Variants in CCBE1 observed in about 807,000 individuals in gnomAD.
CCBE1 encodes collagen and calcium-binding EGF domain-containing protein 1.
Under a neutral mutation model 50.0 loss-of-function variants are expected in CCBE1, and 37 were observed. The ratio of observed to expected loss-of-function variants is 0.74; its 90% CI spans 0.57 to 0.97. The LOEUF is 0.97. CCBE1 is among the 50% of genes least tolerant of loss of function. The pLI, the probability that CCBE1 is intolerant of heterozygous loss-of-function variation, is 0.00. For missense variants in CCBE1, 538 were observed against 523.8 expected (o/e 1.03, Z -0.26); for synonymous variants, 234 against 203.7 (o/e 1.15, Z -1.27).
At chr18:59,519,716 T>A (rs1914518649) in intron 2 of CCBE1, among the ~76,000 whole-genome samples, 1 of 152,224 alleles carries the variant, frequency 6.6e-6, no homozygotes, top group Admixed American at 6.5e-5. Context: ...TTGCCATTGC[T>A]TTTGGTGTTT....
chr18:59,536,508 G>C (rs1915254902), intron 2 of CCBE1, among the ~76,000 whole-genome samples: 1 of 152,194 alleles, frequency 6.6e-6, no homozygotes, highest in Non-Finnish European at 1.5e-5. Flanking sequence ...GGAAGAGAAG[G>C]TTGTCTTGGG....
intron 2 of CCBE1, among the ~76,000 whole-genome samples, chr18:59,514,506 G>A (rs1914277584): frequency 6.6e-6 from 1 of 152,046 alleles, no homozygotes; most frequent in Admixed American, 6.6e-5. Flanking sequence ...GACATTTTCG[G>A]CTGGCCCAGA....
intron 5 of CCBE1, among the ~76,000 whole-genome samples, chr18:59,461,553 A>G (rs960544347): frequency 6.6e-6 from 1 of 152,040 alleles, no homozygotes; most frequent in Non-Finnish European, 1.5e-5. Context: ...TCCTCTGTGC[A>G]TAGGTGATAA....
intron 2 of CCBE1, among the ~76,000 whole-genome samples, chr18:59,673,477 T>C (rs1468298273): frequency 6.6e-6 from 1 of 152,132 alleles, no homozygotes; most frequent in South Asian, 2.1e-4. Context: ...TGGTTTGAGA[T>C]TGTCAAGAAG....
intron 2 of CCBE1, among the ~76,000 whole-genome samples, chr18:59,514,067 C>T (rs1388953438): frequency 6.6e-6 from 1 of 152,148 alleles, no homozygotes; most frequent in Non-Finnish European, 1.5e-5. Flanking sequence ...TCCAATGAAC[C>T]CTCATATACA....
chr18:59,568,428 G>A (rs1378848907), intron 2 of CCBE1: 2 of 152,170 alleles, frequency 1.3e-5, no homozygotes, highest in African/African-American at 4.8e-5. Context: ...ACAGAGTATT[G>A]GTGAACAGAC....
chr18:59,485,464 T>C (rs909565146), intron 2 of CCBE1, among the ~76,000 whole-genome samples: 13 of 152,030 alleles, frequency 8.6e-5, no homozygotes, highest in African/African-American at 2.4e-4. Flanking sequence ...AAAGTGACCA[T>C]GAAAGGCCAA....
rs1910072452 is a variant in CCBE1 at position 59,434,599 on chromosome 18, TA to T, written c.*1308del. On this transcript the variant is annotated 3_prime_UTR_variant, in exon 11 of 11. Transcript: ENST00000439986. ...ACTCTAACTCACTAGGAGGTGGAGA[TA>T]TAGACCTTTTTCTGAACTGCTTCTC... is the stretch of plus-strand genomic sequence containing the variant. 6.6e-6 allele frequency: 1 copy of T among 152,168 alleles called. No individual in the cohort carries two copies. The highest frequency in any genetic ancestry group is 2.4e-5 in the African/African-American group (1 of 41,444). 9.4% of individuals were successfully genotyped at this position (152,168 alleles called of 1,614,324 possible). A position where few individuals can be genotyped will look rare whatever the true frequency, so the allele number is the denominator to read the frequency against.
chr18:59,623,430 T>C (rs2053737935), intron 2 of CCBE1, among the ~76,000 whole-genome samples: 1 of 152,214 alleles, frequency 6.6e-6, no homozygotes, highest in African/African-American at 2.4e-5. Context: ...AATTGTCAGA[T>C]GGCAGAGCAA....
chr18:59,520,241 T>C (rs116768646), intron 2 of CCBE1, among the ~76,000 whole-genome samples: 4 of 152,318 alleles, frequency 2.6e-5, no homozygotes, highest in African/African-American at 7.2e-5. Context: ...AGGGATAGCA[T>C]TGAATGTATA....
chr18:59,456,073 T>C (rs1370665093), intron 5 of CCBE1, among the ~76,000 whole-genome samples: 1 of 152,174 alleles, frequency 6.6e-6, no homozygotes, highest in Non-Finnish European at 1.5e-5. Flanking sequence ...GCACATCAAA[T>C]GTTCCATGAA....
intron 3 of CCBE1, among the ~76,000 whole-genome samples, chr18:59,472,596 G>A (rs762918479): frequency 7.9e-5 from 12 of 152,228 alleles, no homozygotes; most frequent in African/African-American, 2.6e-4. Context: ...AATAATCCTC[G>A]TCTCAGCCTC....
intron 6 of CCBE1, among the ~76,000 whole-genome samples, chr18:59,450,165 T>C (rs1910864318): frequency 6.6e-6 from 1 of 152,230 alleles, no homozygotes; most frequent in Non-Finnish European, 1.5e-5. Flanking sequence ...TTATCTCATA[T>C]TAGCCTTTGT....
At chr18:59,657,901 C>T (rs867518191) in intron 2 of CCBE1, among the ~76,000 whole-genome samples, 9 of 150,364 alleles carry the variant, frequency 6.0e-5, no homozygotes, top group South Asian at 2.1e-4. Context: ...ACAACAACAA[C>T]AACAACAGAA....
intron 2 of CCBE1, among the ~76,000 whole-genome samples, chr18:59,573,351 A>AAC (rs2052946861): frequency 1.4e-5 from 2 of 146,596 alleles, no homozygotes; most frequent in Non-Finnish European, 3.0e-5. Context: ...CTTAAGAGCA[A>AAC]ACACTGAGGC....
At chr18:59,583,690 C>T (rs879736025) in intron 2 of CCBE1, among the ~76,000 whole-genome samples, 5,929 of 133,186 alleles carry the variant, frequency 0.045, 268 homozygotes, top group African/African-American at 0.13. Context: ...TGCGCGCGCG[C>T]GCGCGCGCGC....
chr18:59,453,730 A>C, intron 6 of CCBE1, among the ~76,000 whole-genome samples: 1 of 152,184 alleles, frequency 6.6e-6, no homozygotes. Context: ...CTGATGTGCT[A>C]AGAGCCTTGA....
chr18:59,471,144 GGAA>G (rs1471675005), intron 3 of CCBE1, among the ~76,000 whole-genome samples: 1 of 152,194 alleles, frequency 6.6e-6, no homozygotes, highest in Non-Finnish European at 1.5e-5. Flanking sequence ...GCTGGGAAGG[GGAA>G]GAAGGAGGCA....
intron 2 of CCBE1, among the ~76,000 whole-genome samples, chr18:59,669,879 T>G (rs1289703510): frequency 6.6e-6 from 1 of 152,226 alleles, no homozygotes; most frequent in African/African-American, 2.4e-5. Flanking sequence ...GGGGTTGTTG[T>G]GTAAATGTAC....
Sources: gnomAD v4.1 joint callset for allele counts (sites outside exome capture counted in the v4.1 genomes callset) on GRCh38, gnomAD v4.1.1 for gene constraint, MANE v1.5 for transcripts, NCBI Gene and HGNC (gene_info 2026-07-23, HGNC 2026-07-21) for gene names.